Variants in TNR observed in about 807,000 individuals in gnomAD.
The protein encoded by TNR is tenascin R, also known as tenascin-R.
Under a neutral mutation model 150.4 loss-of-function variants are expected in TNR, and 45 were observed. The ratio of observed to expected loss-of-function variants is 0.30; its 90% CI spans 0.24 to 0.38. The LOEUF is 0.38. Among genes scored for constraint, TNR ranks in the 10% least tolerant of loss-of-function variants. The pLI, the probability that TNR is intolerant of heterozygous loss-of-function variation, is 1.00. For synonymous variants in TNR, 687 were observed against 678.4 expected (o/e 1.01, Z -0.20); for missense variants, 1,544 against 1,759.1 (o/e 0.88, Z 2.19).
chr1:175,681,034 G>A (rs1286872730), intron 1 of TNR, among the ~76,000 whole-genome samples: 1 of 152,168 alleles, frequency 6.6e-6, no homozygotes, highest in Non-Finnish European at 1.5e-5. Flanking sequence ...CTAGAGCAGT[G>A]CCTGGCACAT....
At chr1:175,386,923 C>G (rs7519749) in intron 7 of TNR, among the ~76,000 whole-genome samples, 252 of 152,330 alleles carry the variant, frequency 1.7e-3, no homozygotes, top group African/African-American at 5.7e-3. Flanking sequence ...AAAAAGGACC[C>G]CAGCTTCGGA....
intron 2 of TNR, among the ~76,000 whole-genome samples, chr1:175,526,983 G>T (rs1283171190): frequency 6.6e-6 from 1 of 152,242 alleles, no homozygotes; most frequent in East Asian, 1.9e-4. Context: ...CCAGGAGGTG[G>T]CTTTGAGATT....
intron 18 of TNR, among the ~76,000 whole-genome samples, chr1:175,352,223 C>T (rs1651086546): frequency 6.6e-6 from 1 of 152,140 alleles, no homozygotes; most frequent in Non-Finnish European, 1.5e-5. Flanking sequence ...CTGTAAGATG[C>T]CACAGAGACT....
intron 16 of TNR, 81 bp downstream of exon 16, chr1:175,356,238 T>A (rs777632502): frequency 1.3e-5 from 20 of 1,563,066 alleles, no homozygotes; most frequent in Middle Eastern, 1.9e-4. Context: ...CTGTAAGTGA[T>A]AATCTAGTCC....
intron 1 of TNR, among the ~76,000 whole-genome samples, chr1:175,620,605 G>A (rs1663939589): frequency 1.3e-5 from 2 of 152,310 alleles, no homozygotes; most frequent in South Asian, 4.1e-4. Flanking sequence ...CAGAGGGGCT[G>A]AGCTAGCCAA....
chr1:175,549,225 T>A (rs1417896997), intron 1 of TNR, among the ~76,000 whole-genome samples: 1 of 152,188 alleles, frequency 6.6e-6, no homozygotes, highest in Non-Finnish European at 1.5e-5. Context: ...GAGAAGGAAA[T>A]CTTGTTTTTC....
chr1:175,404,924 G>A (rs756683462), intron 3 of TNR, among the ~76,000 whole-genome samples: 3 of 152,208 alleles, frequency 2.0e-5, no homozygotes, highest in Admixed American at 1.3e-4. Flanking sequence ...GAGGTGAAAG[G>A]AACCCATGAA....
intron 7 of TNR, among the ~76,000 whole-genome samples, chr1:175,390,078 G>T (rs1427477328): frequency 1.3e-5 from 2 of 152,200 alleles, no homozygotes; most frequent in African/African-American, 2.4e-5. Flanking sequence ...CTAGCCTCAA[G>T]GCACTGCCAT....
chr1:175,682,484 G>T (rs4652105), intron 1 of TNR, among the ~76,000 whole-genome samples: 44,913 of 151,974 alleles, frequency 0.3, 7,253 homozygotes, highest in East Asian at 0.67. Context: ...AAGGAGTGTG[G>T]ATTTTTTTTC....
chr1:175,467,519 C>T (rs143739343), intron 2 of TNR, among the ~76,000 whole-genome samples: 175 of 152,186 alleles, frequency 1.1e-3, no homozygotes, highest in African/African-American at 3.8e-3. Context: ...CCTTTCTAGC[C>T]GGGGGATGTC....
In TNR at chr1:175,615,750, G is replaced by A. The variant is rs568715105; in HGVS notation, c.-164-87381C>T. Among the ~76,000 whole-genome samples the A allele has an allele frequency of 9.8e-5, 15 of 152,300 alleles. No individual in the cohort carries two copies. In the Middle Eastern group the frequency reaches 0.014, roughly 138 times the overall value. On this transcript the variant is annotated intron_variant, in intron 1 of 22. Transcript: ENST00000367674. ...GTGCAGTGGTACTGAATGGAGACAAGAAACCAAACTGGAGCTCTAAACACA... is the reference window on the plus strand; with the variant it reads ...GTGCAGTGGTACTGAATGGAGACAAAAAACCAAACTGGAGCTCTAAACACA...
At chr1:175,516,364 C>T (rs1039590489) in intron 2 of TNR, among the ~76,000 whole-genome samples, 1 of 152,176 alleles carries the variant, frequency 6.6e-6, no homozygotes, top group Non-Finnish European at 1.5e-5. Context: ...GAATGATTAG[C>T]AGCTAACAAA....
intron 1 of TNR, among the ~76,000 whole-genome samples, chr1:175,556,352 G>A (rs977568859): frequency 1.3e-5 from 2 of 152,228 alleles, no homozygotes; most frequent in African/African-American, 2.4e-5. Context: ...ATATTCAAGT[G>A]CGTAAAGGAC....
intron 2 of TNR, among the ~76,000 whole-genome samples, chr1:175,437,490 A>G (rs558147631): frequency 1.3e-5 from 2 of 152,364 alleles, no homozygotes; most frequent in South Asian, 2.1e-4. Flanking sequence ...GAGCAAATAC[A>G]TTCAAAAGCT....
At chr1:175,486,277 C>T (rs576219699) in intron 2 of TNR, among the ~76,000 whole-genome samples, 1 of 152,052 alleles carries the variant, frequency 6.6e-6, no homozygotes, top group East Asian at 1.9e-4. Flanking sequence ...CTTCCCTATC[C>T]CCCCACCCCT....
chr1:175,371,093 C>T lies in TNR; in HGVS notation c.1964-3796G>A, dbSNP rs1354368784. On this transcript the variant is annotated intron_variant, in intron 9 of 22. Coordinates refer to ENST00000367674, the MANE Select transcript of TNR (RefSeq NM_003285.3). ...GAAAAAAAAAAAAACCACATGTATC[C>T]GAGGCATAGCCAGTGCACTTAGATA... Among the ~76,000 whole-genome samples, 8 of 151,238 alleles carry T rather than the reference C, an allele frequency of 5.3e-5. No homozygotes were observed. The East Asian group carries it at 5.8e-4, about 11-fold the overall frequency.
intron 1 of TNR, among the ~76,000 whole-genome samples, chr1:175,739,707 A>C (rs915956749): frequency 1.3e-5 from 2 of 151,960 alleles, no homozygotes; most frequent in African/African-American, 4.8e-5. Context: ...TTCTAAATTT[A>C]CTCTTAAATA....
At chr1:175,723,953 C>T (rs1200321704) in intron 1 of TNR, among the ~76,000 whole-genome samples, 4 of 151,966 alleles carry the variant, frequency 2.6e-5, no homozygotes, top group Non-Finnish European at 5.9e-5. Context: ...TATGTTTATA[C>T]AGAATATAAT....
At chr1:175,334,454 A>G (rs1301676969) in intron 20 of TNR, among the ~76,000 whole-genome samples, 2 of 152,248 alleles carry the variant, frequency 1.3e-5, no homozygotes, top group Non-Finnish European at 2.9e-5. Context: ...CATAGTTTCT[A>G]TAATCCCTTA....
Sources: allele counts gnomAD v4.1 joint callset (sites outside exome capture counted in the v4.1 genomes callset), GRCh38; gene constraint gnomAD v4.1.1; transcripts MANE v1.5; gene names NCBI Gene and HGNC (gene_info 2026-07-23, HGNC 2026-07-21).